Variants in LCMT1 observed in about 807,000 individuals in gnomAD.
The protein encoded by LCMT1 is [Phosphatase 2A protein]-leucine-carboxy methyltransferase 1.
In LCMT1, 32 loss-of-function variants were observed where a neutral mutation model predicts 47.7. That is an observed-to-expected ratio of 0.67 (90% CI 0.51 to 0.90). The LOEUF (loss-of-function observed/expected upper bound fraction) is 0.90, where lower values mean the gene tolerates loss of function less well. Ranked by LOEUF, LCMT1 falls within the 40% of genes least tolerant of loss-of-function variation. The pLI is 0.00. For synonymous variants in LCMT1, 152 were observed against 149.7 expected (o/e 1.02, Z -0.11); for missense variants, 375 against 415.2 (o/e 0.90, Z 0.84).
chr16:25,159,755 T>C (rs533135310), intron 5 of LCMT1, among the ~76,000 whole-genome samples: 1 of 152,212 alleles, frequency 6.6e-6, no homozygotes, highest in East Asian at 1.9e-4. Flanking sequence ...AATGAGAACC[T>C]ATTTACATGT....
intron 1 of LCMT1, among the ~76,000 whole-genome samples, chr16:25,113,353 T>G (rs1444132195): frequency 6.6e-6 from 1 of 152,154 alleles, no homozygotes; most frequent in Non-Finnish European, 1.5e-5. Context: ...GGACTAAACT[T>G]TCAGAGCATG....
At position 25,161,119 on chromosome 16, in the gene LCMT1, T is replaced by G. The variant is rs1362535040; in HGVS notation, c.484T>G (p.Ser162Ala). The change falls in exon 6 of 11, where the codon TCA becomes GCA. Residue 162 changes from serine (S) to alanine (A), a missense_variant. Ser to Ala is a moderately conservative substitution (Grantham distance 99, BLOSUM62 1). Transcript: ENST00000399069. The part of the protein sequence containing the change: ...TLQMDGHILD[S>A]KRYAVIGADL... Reference sequence around the variant, plus strand: ...ATTTGCAGATGGACACATACTGGATTCAAAGAGATATGCCGTTATTGGAGC... The same window carrying G: ...ATTTGCAGATGGACACATACTGGATGCAAAGAGATATGCCGTTATTGGAGC... The G allele has an allele frequency of 1.1e-5, 17 of 1,607,996 alleles. No individual in the cohort carries two copies. The highest frequency in any genetic ancestry group is 3.4e-5 in the Admixed American group (2 of 59,592).
At chr16:25,132,715 T>C (rs1960389093) in intron 3 of LCMT1, among the ~76,000 whole-genome samples, 192 bp downstream of exon 3, 1 of 152,048 alleles carries the variant, frequency 6.6e-6, no homozygotes, top group African/African-American at 2.4e-5. Context: ...GTGACAGATA[T>C]TTTAGGTTGT....
chr16:25,129,345 A>G (rs1473325185), intron 2 of LCMT1, among the ~76,000 whole-genome samples: 6 of 152,170 alleles, frequency 3.9e-5, no homozygotes, highest in Non-Finnish European at 8.8e-5. Flanking sequence ...TAAAATCACA[A>G]TAGTTTTTGA....
intron 10 of LCMT1, among the ~76,000 whole-genome samples, chr16:25,176,129 G>A (rs1961925525): frequency 6.6e-6 from 1 of 152,148 alleles, no homozygotes; most frequent in Non-Finnish European, 1.5e-5. Context: ...CTGTGGCCGA[G>A]TAGGGCCACG....
chr16:25,150,680 C>G (rs1390978041), intron 4 of LCMT1, among the ~76,000 whole-genome samples: 1 of 151,910 alleles, frequency 6.6e-6, no homozygotes, highest in Non-Finnish European at 1.5e-5. Context: ...CCCTCCCCAT[C>G]CCCCCTTTTA....
At chr16:25,132,292 C>T (rs1960370759) in intron 2 of LCMT1, 110 bp from the exon 3 acceptor site, 3 of 1,326,268 alleles carry the variant, frequency 2.3e-6, no homozygotes, top group Admixed American at 3.9e-5. Context: ...TCTGACACTG[C>T]AGAAGGGCGC....
At chr16:25,153,361 G>C (rs1158011992) in intron 5 of LCMT1, among the ~76,000 whole-genome samples, 1 of 152,216 alleles carries the variant, frequency 6.6e-6, no homozygotes, top group Non-Finnish European at 1.5e-5. Flanking sequence ...GAGGTTGAGG[G>C]GCCCACATCT....
At chr16:25,151,416 G>C in intron 4 of LCMT1, 138 bp from the exon 5 acceptor site, 1 of 690,398 alleles carries the variant, frequency 1.4e-6, no homozygotes, top group East Asian at 2.7e-5. Context: ...CTTTTTAGAG[G>C]GGCCCCTGCT....
intron 3 of LCMT1, among the ~76,000 whole-genome samples, chr16:25,133,530 C>G (rs573521672): frequency 6.7e-5 from 10 of 149,886 alleles, no homozygotes; most frequent in African/African-American, 2.0e-4. Flanking sequence ...TCCTGAATAG[C>G]TTGGACTACA....
intron 1 of LCMT1, among the ~76,000 whole-genome samples, chr16:25,120,837 TC>T: frequency 6.8e-6 from 1 of 146,088 alleles, no homozygotes. Flanking sequence ...AGCGTTTACC[TC>T]CCCGGGCTCA....
chr16:25,170,586 C>T (rs1250696116), intron 8 of LCMT1, 128 bp from the exon 9 acceptor site: 18 of 695,386 alleles, frequency 2.6e-5, no homozygotes, highest in Non-Finnish European at 4.2e-5. Flanking sequence ...GCTGTGATCA[C>T]ACCACTGCAC....
intron 8 of LCMT1, among the ~76,000 whole-genome samples, 195 bp from the exon 9 acceptor site, chr16:25,170,519 C>T (rs905895868): frequency 2.0e-5 from 3 of 152,016 alleles, no homozygotes; most frequent in African/African-American, 7.2e-5. Context: ...CATCCCAGCA[C>T]CTTGGGTGGC....
At chr16:25,161,334 G>T in intron 6 of LCMT1, 130 bp downstream of exon 6, 1 of 522,138 alleles carries the variant, frequency 1.9e-6, no homozygotes, top group Admixed American at 3.5e-5. Context: ...TCATTTCATT[G>T]CTACCTAGTT....
intron 1 of LCMT1, among the ~76,000 whole-genome samples, chr16:25,121,005 C>T (rs1409483825): frequency 2.7e-5 from 4 of 149,372 alleles, no homozygotes; most frequent in Non-Finnish European, 4.4e-5. Context: ...AAGCAATCCT[C>T]CCACCTTGGC....
chr16:25,172,230 C>T (rs1013072091), intron 9 of LCMT1, among the ~76,000 whole-genome samples: 1 of 151,406 alleles, frequency 6.6e-6, no homozygotes, highest in Non-Finnish European at 1.5e-5. Context: ...TTGCTTGAAC[C>T]TGGGAGGCGG....
chr16:25,117,309 C>G (rs1959823584), intron 1 of LCMT1, among the ~76,000 whole-genome samples: 1 of 152,168 alleles, frequency 6.6e-6, no homozygotes. Context: ...TATTCTGTCA[C>G]TCACCTAAAA....
intron 9 of LCMT1, among the ~76,000 whole-genome samples, chr16:25,173,630 T>C (rs1961840327): frequency 6.6e-6 from 1 of 152,204 alleles, no homozygotes; most frequent in African/African-American, 2.4e-5. Context: ...TCCTGTTTCT[T>C]TTTTTATTTT....
At chr16:25,151,449 T>C in intron 4 of LCMT1, 105 bp from the exon 5 acceptor site, 1 of 917,902 alleles carries the variant, frequency 1.1e-6, no homozygotes, top group Non-Finnish European at 1.7e-6. Context: ...AAATATATAT[T>C]TGCCATTTTG....
Sources: allele counts gnomAD v4.1 joint callset (sites outside exome capture counted in the v4.1 genomes callset), GRCh38; gene constraint gnomAD v4.1.1; transcripts MANE v1.5; gene names NCBI Gene and HGNC (gene_info 2026-07-23, HGNC 2026-07-21).